The following OSBPL6 variants were observed in gnomAD, a reference collection of about 807,000 sequenced individuals.
The protein encoded by OSBPL6 is oxysterol-binding protein-related protein 6.
OSBPL6 carries 49 observed loss-of-function variants against 125.8 expected under a neutral mutation model. That is an observed-to-expected ratio of 0.39 (90% CI 0.31 to 0.49). OSBPL6 has a LOEUF of 0.49. Among genes scored for constraint, OSBPL6 ranks in the 20% least tolerant of loss-of-function variants. The pLI, the probability that OSBPL6 is intolerant of heterozygous loss-of-function variation, is 0.88. For synonymous variants in OSBPL6, 394 were observed against 391.8 expected (o/e 1.01, Z -0.07); for missense variants, 986 against 1,135.4 (o/e 0.87, Z 1.89).
At chr2:178,392,564 T>TG in intron 23 of OSBPL6, 26 bp downstream of exon 23, 1 of 1,611,918 alleles carries the variant, frequency 6.2e-7, no homozygotes, top group Non-Finnish European at 8.5e-7. Flanking sequence ...GTATTTAATA[T>TG]GCAGACTATG....
rs762151341 is a variant in OSBPL6 at position 178,349,209 on chromosome 2, A to T, written c.988-15A>T. ...GCACTGTTGCTGTTTAATAATTTGT[A>T]TCTTCCCCTTTCAGGTTCCTTTCAG... On this transcript the variant is annotated splice_polypyrimidine_tract_variant and intron_variant, in intron 11 of 24. Transcript: ENST00000190611. 9 of 1,613,102 alleles carry T rather than the reference A, an allele frequency of 5.6e-6. No homozygotes were observed. The highest frequency in any genetic ancestry group is 7.6e-6 in the Non-Finnish European group (9 of 1,179,116).
At chr2:178,251,237 C>G (rs1435357013) in intron 1 of OSBPL6, among the ~76,000 whole-genome samples, 1 of 152,094 alleles carries the variant, frequency 6.6e-6, no homozygotes, top group African/African-American at 2.4e-5. Flanking sequence ...TCAGAGAGCC[C>G]ACAGTGATCC....
At chr2:178,245,478 C>T (rs762988322) in intron 1 of OSBPL6, among the ~76,000 whole-genome samples, 1 of 152,160 alleles carries the variant, frequency 6.6e-6, no homozygotes, top group Non-Finnish European at 1.5e-5. Flanking sequence ...CAGCCACACA[C>T]CCTTCATTAA....
chr2:178,266,247 T>C lies in OSBPL6; in HGVS notation c.-350-18680T>C, dbSNP rs567718459. Among the ~76,000 whole-genome samples, 7 of 152,312 alleles carry C rather than the reference T, an allele frequency of 4.6e-5. No individual in the cohort carries two copies. In the East Asian group the frequency reaches 5.8e-4, roughly 13 times the overall value. On this transcript the variant is annotated intron_variant, in intron 1 of 24. Transcript: ENST00000190611. ...AGACCACAGTGAGCCCCGTGAACTA[T>C]TGGAGCCCCATATATGTGTGTTTCT...
intron 13 of OSBPL6, 36 bp from the exon 14 acceptor site, chr2:178,372,090 A>G: frequency 6.7e-7 from 1 of 1,484,996 alleles, no homozygotes; most frequent in Admixed American, 1.7e-5. Flanking sequence ...TTGCTTATTA[A>G]TTTTAAATTA....
intron 1 of OSBPL6, among the ~76,000 whole-genome samples, chr2:178,261,462 T>C (rs1179266171): frequency 6.7e-5 from 10 of 149,362 alleles, no homozygotes; most frequent in Non-Finnish European, 1.5e-5. Context: ...TAGAAAAGCA[T>C]GGGGTAACTG....
chr2:178,382,077 T>C (rs1256844456), intron 15 of OSBPL6, among the ~76,000 whole-genome samples: 2 of 152,238 alleles, frequency 1.3e-5, no homozygotes, highest in Non-Finnish European at 2.9e-5. Flanking sequence ...TCTTAGTTAT[T>C]AGGTTGGTGC....
intron 1 of OSBPL6, among the ~76,000 whole-genome samples, chr2:178,229,869 A>G (rs1389319829): frequency 6.6e-6 from 1 of 152,204 alleles, no homozygotes; most frequent in Non-Finnish European, 1.5e-5. Context: ...AGAAATGCAA[A>G]TAGCAACTCA....
intron 1 of OSBPL6, among the ~76,000 whole-genome samples, chr2:178,274,469 A>C (rs2092431090): frequency 6.6e-6 from 1 of 152,180 alleles, no homozygotes; most frequent in Non-Finnish European, 1.5e-5. Context: ...CCTCAGAATA[A>C]TCCCAAAAGG....
At chr2:178,297,961 A>G (rs1685910460) in intron 2 of OSBPL6, among the ~76,000 whole-genome samples, 1 of 152,202 alleles carries the variant, frequency 6.6e-6, no homozygotes, top group Admixed American at 6.5e-5. Context: ...ATGCATTTCC[A>G]GAACCTTTCC....
chr2:178,306,315 T>G, intron 3 of OSBPL6, 29 bp downstream of exon 3: 1 of 1,383,704 alleles, frequency 7.2e-7, no homozygotes, highest in Non-Finnish European at 1.0e-6. Context: ...GTGCCTTTGG[T>G]TGTTTTATGC....
At chr2:178,293,782 C>T (rs527406453) in intron 2 of OSBPL6, among the ~76,000 whole-genome samples, 1 of 152,178 alleles carries the variant, frequency 6.6e-6, no homozygotes, top group South Asian at 2.1e-4. Flanking sequence ...CCTCCCCCCA[C>T]CCTCCACTAC....
intron 1 of OSBPL6, among the ~76,000 whole-genome samples, chr2:178,283,767 C>T (rs1168606876): frequency 1.3e-5 from 2 of 152,106 alleles, no homozygotes; most frequent in Non-Finnish European, 2.9e-5. Flanking sequence ...TGCTTCCATT[C>T]GTGGCAGAAG....
At chr2:178,321,517 A>G (rs535768299) in intron 3 of OSBPL6, among the ~76,000 whole-genome samples, 1 of 152,334 alleles carries the variant, frequency 6.6e-6, no homozygotes, top group East Asian at 1.9e-4. Flanking sequence ...TTTTTTTAAA[A>G]CCATGAGTTT....
chr2:178,384,712 A>C (rs560422556), intron 18 of OSBPL6, among the ~76,000 whole-genome samples: 1 of 152,294 alleles, frequency 6.6e-6, no homozygotes, highest in South Asian at 2.1e-4. Context: ...GGTGAGCAGA[A>C]GGATGACTTT....
At chr2:178,200,948 G>C (rs528823814) in intron 1 of OSBPL6, among the ~76,000 whole-genome samples, 3 of 151,932 alleles carry the variant, frequency 2.0e-5, no homozygotes, top group South Asian at 2.1e-4. Flanking sequence ...GCGCCCGCCA[G>C]CACGCCTGGC....
intron 1 of OSBPL6, among the ~76,000 whole-genome samples, chr2:178,233,104 TA>T (rs1299437639): frequency 6.6e-6 from 1 of 152,254 alleles, no homozygotes; most frequent in Non-Finnish European, 1.5e-5. Context: ...TCTTATTTTC[TA>T]CTTGTTACAA....
intron 11 of OSBPL6, among the ~76,000 whole-genome samples, chr2:178,344,033 G>C (rs1690467372): frequency 6.6e-6 from 1 of 152,124 alleles, no homozygotes; most frequent in Non-Finnish European, 1.5e-5. Context: ...CTGTCCATCA[G>C]TTTATAACTC....
At chr2:178,285,828 C>T (rs1415965147) in intron 2 of OSBPL6, among the ~76,000 whole-genome samples, 4 of 152,184 alleles carry the variant, frequency 2.6e-5, no homozygotes, top group Non-Finnish European at 4.4e-5. Context: ...TTACAAGCTG[C>T]ACATCCTCTG....
Sources: gnomAD v4.1 joint callset for allele counts (sites outside exome capture counted in the v4.1 genomes callset) on GRCh38, gnomAD v4.1.1 for gene constraint, MANE v1.5 for transcripts, NCBI Gene and HGNC (gene_info 2026-07-23, HGNC 2026-07-21) for gene names.